MFSD12: variants seen among roughly 807,000 people sequenced by gnomAD.
MFSD12 encodes major facilitator superfamily domain containing 12.
In MFSD12, 67 loss-of-function variants were observed where a neutral mutation model predicts 51.2. The observed-to-expected ratio is 1.31, with a 90% CI of 1.08 to 1.60. The LOEUF (loss-of-function observed/expected upper bound fraction) is 1.60. Among genes scored for constraint, MFSD12 ranks in the 40% most tolerant of loss-of-function variants. The probability of loss-of-function intolerance (pLI) is 0.00; values close to 1 mark genes in which losing one functional copy is unlikely to be tolerated. For synonymous variants in MFSD12, 441 were observed against 316.7 expected (o/e 1.39, Z -4.17); for missense variants, 921 against 673.0 (o/e 1.37, Z -4.08).
chr19:3,555,778 T>G lies in MFSD12; in HGVS notation c.298+1328A>C, dbSNP rs115007969. Among the ~76,000 whole-genome samples, 636 of 152,336 alleles carry G rather than the reference T, an allele frequency of 4.2e-3. 5 individuals carry two copies. The highest frequency in any genetic ancestry group is 0.013 in the African/African-American group (520 of 41,568). On this transcript the variant is annotated intron_variant, in intron 1 of 9. Coordinates refer to ENST00000355415, the MANE Select transcript of MFSD12 (RefSeq NM_174983.5). ...CTGGAATTCCAAGAACTGAGCAGGATTCCTGGCCCTGCCTGCTGAAATGCC... is the reference window on the plus strand; with the variant it reads ...CTGGAATTCCAAGAACTGAGCAGGAGTCCTGGCCCTGCCTGCTGAAATGCC...
At chr19:3,543,483 C>CCCG (rs2030619461), downstream of MFSD12, 2 of 1,500,492 alleles carry the variant, frequency 1.3e-6, no homozygotes, top group Admixed American at 2.0e-5. Context: ...GGTGAGTGCC[C>CCCG]CCCCCCCCGC....
downstream of MFSD12, chr19:3,539,364 G>A (rs1025855868): frequency 3.7e-5 from 26 of 693,986 alleles, no homozygotes; most frequent in East Asian, 3.3e-4. Context: ...CGTGTCACTC[G>A]TTATTCCTAA....
exon 5 of MFSD12, chr19:3,538,357 A>C: frequency 8.9e-6 from 2 of 224,548 alleles, no homozygotes; most frequent in Non-Finnish European, 1.8e-5. Context: ...TACCTTCACC[A>C]CGCCGTGCAG....
intron 7 of MFSD12, 39 bp downstream of exon 7, chr19:3,546,215 GA>G: frequency 6.2e-7 from 1 of 1,607,448 alleles, no homozygotes; most frequent in Non-Finnish European, 8.5e-7. Context: ...CGAGATCTAG[GA>G]CCCGGCCTCC....
downstream of MFSD12, chr19:3,541,653 A>G: frequency 1.0e-6 from 1 of 985,080 alleles, no homozygotes; most frequent in Admixed American, 6.2e-5. Flanking sequence ...AAAAAAATGG[A>G]GATGCAGTGA....
At chr19:3,546,566 A>G in intron 6 of MFSD12, 141 bp from the exon 7 acceptor site, 1 of 993,056 alleles carries the variant, frequency 1.0e-6, no homozygotes, top group East Asian at 2.6e-5. Flanking sequence ...CTGGCCCTGG[A>G]CACAACACCG....
chr19:3,548,874 C>T (rs796514844), intron 2 of MFSD12, among the ~76,000 whole-genome samples: 2 of 152,286 alleles, frequency 1.3e-5, no homozygotes, highest in South Asian at 2.1e-4. Flanking sequence ...CAACCTGTGT[C>T]GTTAGCGCCT....
At chr19:3,540,603 G>A (rs886217099), downstream of MFSD12, among the ~76,000 whole-genome samples, 5 of 151,882 alleles carry the variant, frequency 3.3e-5, no homozygotes, top group East Asian at 9.9e-4. Context: ...CAGGCAGCCA[G>A]GCGCAGTGGC....
At chr19:3,539,383 T>A (rs945344554), downstream of MFSD12, 13 of 643,378 alleles carry the variant, frequency 2.0e-5, no homozygotes, top group Non-Finnish European at 3.6e-5. Context: ...AAAAGGCTCA[T>A]GTGTGTGACG....
chr19:3,544,500 G>A lies in MFSD12; in HGVS notation c.*210C>T. The stretch of plus-strand genomic sequence containing the variant: ...CTGGGATGGATTAGAGTTGAGAATG[G>A]GACACCCTCAAAACCCAGGGGGTCC... On this transcript the variant is annotated 3_prime_UTR_variant, in exon 10 of 10. Coordinates refer to ENST00000355415, the MANE Select transcript of MFSD12 (RefSeq NM_174983.5). The A allele has an allele frequency of 2.1e-6, 3 of 1,396,978 alleles. No individual in the cohort carries two copies. The highest frequency in any genetic ancestry group is 1.7e-5 in the South Asian group (1 of 58,316). The allele number at this position is 1,396,978 out of a possible 1,614,324, so 86.5% of individuals were successfully genotyped here. A position where few individuals can be genotyped will look rare whatever the true frequency, so the allele number is the denominator to read the frequency against.
intron 2 of MFSD12, among the ~76,000 whole-genome samples, chr19:3,550,414 C>T (rs534257861): frequency 2.3e-4 from 34 of 150,730 alleles, no homozygotes; most frequent in Non-Finnish European, 3.1e-4. Context: ...TTTTTTGAGA[C>T]GGAATCTCGC....
chr19:3,551,094 C>G lies in MFSD12; in HGVS notation c.399G>C (p.Pro133=). Residue 133 remains proline, a synonymous_variant, in exon 2 of 10, where the codon CCG becomes CCC. Transcript: ENST00000355415. This position sits in a 1 kb window ranked among gnomAD's most constrained non-coding sequence, Gnocchi z 4.6. ...PEWAALLYYG[P]FIVIFQFGWA... is the part of the protein sequence containing the mutation. ...AGCCAAACTGGAAGATCACGATGAA[C>G]GGGCCGTAGTAGAGGAGGGCAGCCC... 6.2e-7 allele frequency: 1 copy of G among 1,613,096 alleles called. No homozygotes were observed. The highest frequency in any genetic ancestry group is 8.5e-7 in the Non-Finnish European group (1 of 1,179,990).
downstream of MFSD12, chr19:3,543,328 C>A: frequency 6.5e-7 from 1 of 1,549,394 alleles, no homozygotes; most frequent in Non-Finnish European, 8.7e-7. Context: ...GGGACGCAGC[C>A]GGCCAGCTGT....
rs1343476504 is a variant in MFSD12, at chr19:3,550,988, G to A, written c.505C>T (p.Leu169Phe). The A allele has an allele frequency of 6.2e-7, 1 of 1,611,026 alleles. No individual in the cohort carries two copies. The highest frequency in any genetic ancestry group is 1.7e-5 in the Admixed American group (1 of 59,950). Residue 169 changes from leucine to phenylalanine, a missense_variant, in exon 2 of 10, where the codon CTC becomes TTC. Transcript: ENST00000355415. ...GGAGGGTGCCCAGGCTCCCACCTGA[G>A]TGCCGTGAGCTCCACCTTCTCATGG... The part of the protein sequence containing the change: ...NDHEKVELTA[L>F]RYAFTVVANI...
At chr19:3,543,806 G>A (rs2030678704), downstream of MFSD12, 1 of 1,504,570 alleles carries the variant, frequency 6.6e-7, no homozygotes, top group Non-Finnish European at 8.9e-7. Context: ...GGGGGCACAT[G>A]GTGACCCGAG....
intron 1 of MFSD12, among the ~76,000 whole-genome samples, chr19:3,555,320 T>C (rs1409061101): frequency 2.0e-5 from 3 of 152,110 alleles, no homozygotes; most frequent in Non-Finnish European, 4.4e-5. Context: ...GTTGGCCAGG[T>C]TGGTCTCAAA....
downstream of MFSD12, among the ~76,000 whole-genome samples, chr19:3,540,606 G>A (rs558236196): frequency 1.3e-3 from 205 of 151,924 alleles, no homozygotes; most frequent in African/African-American, 4.9e-3. Flanking sequence ...GCAGCCAGGC[G>A]CAGTGGCTCA....
chr19:3,552,774 C>T (rs995935064), intron 1 of MFSD12, among the ~76,000 whole-genome samples: 1 of 152,152 alleles, frequency 6.6e-6, no homozygotes, highest in African/African-American at 2.4e-5. Flanking sequence ...CTTGAGCCAC[C>T]ATACCGGCTG....
At chr19:3,542,762 C>A, downstream of MFSD12, 1 of 1,355,696 alleles carries the variant, frequency 7.4e-7, no homozygotes, top group East Asian at 4.6e-5. Flanking sequence ...GGTTTACAAG[C>A]GTGAGCCACA....
Sources: allele counts gnomAD v4.1 joint callset (sites outside exome capture counted in the v4.1 genomes callset), GRCh38; gene constraint gnomAD v4.1.1; non-coding constraint Gnocchi (gnomAD v3.1); transcripts MANE v1.5; gene names NCBI Gene and HGNC (gene_info 2026-07-23, HGNC 2026-07-21).